Variants in NCK1 observed in about 807,000 individuals in gnomAD.
NCK1 encodes the protein SH2/SH3 adapter protein NCK1.
Under a neutral mutation model 36.6 loss-of-function variants are expected in NCK1, and 19 were observed. The ratio of observed to expected loss-of-function variants is 0.52; its 90% CI spans 0.36 to 0.76. The LOEUF is 0.76. Ranked by LOEUF, NCK1 falls within the 30% of genes least tolerant of loss-of-function variation. The probability of loss-of-function intolerance (pLI) is 0.00; values close to 1 mark genes in which losing one functional copy is unlikely to be tolerated. For missense variants in NCK1, 358 were observed against 445.6 expected, an observed-to-expected ratio of 0.80 and a Z score of 1.77; for synonymous variants, 165 against 156.0, an observed-to-expected ratio of 1.06 and a Z score of -0.43.
chr3:136,865,355 G>A (rs1938383932), intron 1 of NCK1, among the ~76,000 whole-genome samples: 1 of 152,170 alleles, frequency 6.6e-6, no homozygotes, highest in Non-Finnish European at 1.5e-5. Context: ...AAAGTGCTGA[G>A]ATTACAGGTG....
chr3:136,899,534 G>GTC, intron 1 of NCK1: 1 of 479,286 alleles, frequency 2.1e-6, no homozygotes, highest in Admixed American at 2.9e-5. Context: ...CAGTTGCCAA[G>GTC]TCTGGTTTGG....
rs1052043599 is a variant in NCK1, at chr3:136,946,446, C to T, written c.939+151C>T. The T allele has an allele frequency of 4.5e-6, 3 of 665,830 alleles. No individual in the cohort carries two copies. The African/African-American group carries it at 5.5e-5, about 12-fold the overall frequency. 41.2% of individuals were successfully genotyped at this position (665,830 alleles called of 1,614,324 possible). On this transcript the variant is annotated intron_variant, in intron 3 of 3. Transcript: ENST00000481752. ...AGCATAAATGTTCCAAAGCTAAAGT[C>T]CGCATTCTTTCTAGCTATCTATTTT...
chr3:136,907,992 C>G (rs909688666), intron 1 of NCK1, among the ~76,000 whole-genome samples: 2 of 152,192 alleles, frequency 1.3e-5, no homozygotes, highest in Admixed American at 6.5e-5. Flanking sequence ...TGATCACTTA[C>G]TCTCTTTGGG....
chr3:136,891,006 G>A (rs1407453142), intron 1 of NCK1, among the ~76,000 whole-genome samples: 1 of 152,172 alleles, frequency 6.6e-6, no homozygotes, highest in Non-Finnish European at 1.5e-5. Flanking sequence ...TTTATGACTG[G>A]CTTATTTCAC....
chr3:136,914,151 T>C (rs1420999722), intron 1 of NCK1, among the ~76,000 whole-genome samples: 1 of 152,158 alleles, frequency 6.6e-6, no homozygotes. Flanking sequence ...GGTGAAACAA[T>C]AGCTGCCTGC....
intron 1 of NCK1, among the ~76,000 whole-genome samples, chr3:136,903,528 G>A (rs377151132): frequency 2.6e-5 from 4 of 152,100 alleles, no homozygotes; most frequent in East Asian, 1.9e-4. Context: ...GGGTTCAAGC[G>A]ATTCTCCTGC....
At chr3:136,933,710 CT>C (rs11316539) in intron 2 of NCK1, among the ~76,000 whole-genome samples, 102,239 of 150,262 alleles carry the variant, frequency 0.68, 34,983 homozygotes, top group East Asian at 0.87. Context: ...TTTAAGTAAT[CT>C]TTTTTTTTTT....
chr3:136,917,935 A>G (rs1439297351), intron 1 of NCK1, among the ~76,000 whole-genome samples: 1 of 152,224 alleles, frequency 6.6e-6, no homozygotes, highest in African/African-American at 2.4e-5. Context: ...CTATCTTACA[A>G]CCAGTGGGTG....
chr3:136,880,220 G>A (rs965101594), intron 1 of NCK1, among the ~76,000 whole-genome samples: 2 of 151,936 alleles, frequency 1.3e-5, no homozygotes, highest in African/African-American at 4.8e-5. Context: ...GGGAGGTGGA[G>A]CTTGCAGTGA....
intron 1 of NCK1, among the ~76,000 whole-genome samples, chr3:136,884,755 C>T (rs1050852549): frequency 4.9e-5 from 7 of 143,854 alleles, no homozygotes; most frequent in Non-Finnish European, 7.5e-5. Context: ...GAGTCTCACT[C>T]TGTTGCCCAG....
At position 136,944,111 on chromosome 3, in the gene NCK1, C is replaced by CTTTTTTTTTTTTTT. The variant is rs1560055771; in HGVS notation, c.227-1472_227-1471insTTTTTTTTTTTTTT. ...AAAGTCGAGGGAAAAGGAAAAACAA[C>CTTTTTTTTTTTTTT]CTTTTTTTTTTTTTTTTTTTTTTTT... On this transcript the variant is annotated intron_variant, in intron 2 of 3. Coordinates refer to ENST00000481752, the MANE Select transcript of NCK1 (RefSeq NM_001291999.2). Among the ~76,000 whole-genome samples, 37 of 80,920 alleles carry CTTTTTTTTTTTTTT rather than the reference C, an allele frequency of 4.6e-4. 5 individuals are homozygous for CTTTTTTTTTTTTTT. Among genetic ancestry groups the CTTTTTTTTTTTTTT allele is most frequent in the African/African-American group, 1.2e-3 (21 of 17,454 alleles). The allele number at this position is 80,920 out of a possible 152,430, so 53.1% of individuals were successfully genotyped here. A position where few individuals can be genotyped will look rare whatever the true frequency, so the allele number is the denominator to read the frequency against.
intron 1 of NCK1, among the ~76,000 whole-genome samples, chr3:136,881,113 C>T (rs1220378033): frequency 6.6e-6 from 1 of 152,170 alleles, no homozygotes; most frequent in East Asian, 1.9e-4. Context: ...CAAATCCTGT[C>T]TTTTCTACCT....
intron 1 of NCK1, among the ~76,000 whole-genome samples, chr3:136,910,772 C>T (rs112302738): frequency 3.9e-5 from 6 of 152,272 alleles, no homozygotes; most frequent in African/African-American, 1.2e-4. Flanking sequence ...GTTTACATAT[C>T]ATTTTCATAA....
At chr3:136,882,123 C>T (rs1938957935) in intron 1 of NCK1, among the ~76,000 whole-genome samples, 1 of 151,848 alleles carries the variant, frequency 6.6e-6, no homozygotes, top group African/African-American at 2.4e-5. Context: ...GCAGCTGCAC[C>T]ATTTTACATT....
chr3:136,887,009 A>G (rs9863551), intron 1 of NCK1, among the ~76,000 whole-genome samples: 101,828 of 151,778 alleles, frequency 0.67, 34,552 homozygotes, highest in East Asian at 0.87. Context: ...ATGCCCGGCT[A>G]ATTTTTGTGT....
chr3:136,887,429 T>C (rs9846691), intron 1 of NCK1, among the ~76,000 whole-genome samples: 101,964 of 151,990 alleles, frequency 0.67, 34,593 homozygotes, highest in East Asian at 0.87. Flanking sequence ...GAATAAAGGA[T>C]AAGTTAAAAG....
intron 1 of NCK1, among the ~76,000 whole-genome samples, chr3:136,863,343 C>T (rs778471370): frequency 5.3e-5 from 8 of 152,240 alleles, no homozygotes; most frequent in Non-Finnish European, 1.0e-4. Flanking sequence ...ACGATTTCTT[C>T]AGCACCTGGA....
At chr3:136,892,016 G>A (rs1273603411) in intron 1 of NCK1, among the ~76,000 whole-genome samples, 1 of 151,840 alleles carries the variant, frequency 6.6e-6, no homozygotes, top group Non-Finnish European at 1.5e-5. Flanking sequence ...AGCCTCCTGA[G>A]TAGCTAGGAC....
chr3:136,902,198 T>TTTTTTTTTG (rs1939561830), intron 1 of NCK1, among the ~76,000 whole-genome samples: 3 of 131,482 alleles, frequency 2.3e-5, no homozygotes, highest in South Asian at 2.4e-4. Flanking sequence ...TTTTTTTTTT[T>TTTTTTTTTG]TTTTGTTTTT....
Sources: gnomAD v4.1 joint callset for allele counts (sites outside exome capture counted in the v4.1 genomes callset) on GRCh38, gnomAD v4.1.1 for gene constraint, MANE v1.5 for transcripts, NCBI Gene and HGNC (gene_info 2026-07-23, HGNC 2026-07-21) for gene names.